The following CDYL2 variants were observed in gnomAD, a reference collection of about 807,000 sequenced individuals.
CDYL2 encodes the protein chromodomain Y-like protein 2.
In CDYL2, 23 loss-of-function variants were observed where a neutral mutation model predicts 49.4. The observed-to-expected ratio is 0.47, with a 90% CI of 0.34 to 0.66. The LOEUF (loss-of-function observed/expected upper bound fraction) is 0.66. Among genes scored for constraint, CDYL2 ranks in the 30% least tolerant of loss-of-function variants. The pLI is 0.01. For synonymous variants in CDYL2, 360 were observed against 268.8 expected, an observed-to-expected ratio of 1.34 and a Z score of -3.32; for missense variants, 678 against 656.4, an observed-to-expected ratio of 1.03 and a Z score of -0.36.
At chr16:80,724,173 C>G (rs78435878) in intron 1 of CDYL2, among the ~76,000 whole-genome samples, 5,400 of 122,222 alleles carry the variant, frequency 0.044, 336 homozygotes, top group African/African-American at 0.16. Context: ...GAGGAGGAGA[C>G]AAAGAGGAAG....
intron 1 of CDYL2, among the ~76,000 whole-genome samples, chr16:80,711,770 G>C (rs945651570): frequency 6.6e-6 from 1 of 152,094 alleles, no homozygotes; most frequent in African/African-American, 2.4e-5. Flanking sequence ...CTGAAGCATA[G>C]TGTTTCAAGG....
intron 1 of CDYL2, among the ~76,000 whole-genome samples, chr16:80,722,007 G>A (rs997562017): frequency 6.6e-6 from 1 of 152,230 alleles, no homozygotes; most frequent in Non-Finnish European, 1.5e-5. Context: ...CTTTGAGGAA[G>A]AAGTGGTTAT....
At chr16:80,624,816 C>T (rs1355898644) in intron 3 of CDYL2, among the ~76,000 whole-genome samples, 1 of 152,190 alleles carries the variant, frequency 6.6e-6, no homozygotes, top group African/African-American at 2.4e-5. Context: ...TCATGGACAT[C>T]TGCTGAGATC....
At chr16:80,687,126 T>C (rs960409196) in intron 1 of CDYL2, among the ~76,000 whole-genome samples, 3 of 152,158 alleles carry the variant, frequency 2.0e-5, no homozygotes, top group Non-Finnish European at 2.9e-5. Context: ...CTCTACAGGT[T>C]TACTGAGGGA....
At chr16:80,643,781 G>T (rs1233573898) in intron 2 of CDYL2, among the ~76,000 whole-genome samples, 2 of 152,182 alleles carry the variant, frequency 1.3e-5, no homozygotes, top group Non-Finnish European at 2.9e-5. Flanking sequence ...TCCCTAGGCT[G>T]CACACAGCAA....
chr16:80,710,849 G>T (rs1013866256), intron 1 of CDYL2, among the ~76,000 whole-genome samples: 2 of 152,162 alleles, frequency 1.3e-5, no homozygotes, highest in Non-Finnish European at 2.9e-5. Context: ...TTAAAAATCA[G>T]AAATAGTTCT....
intron 5 of CDYL2, among the ~76,000 whole-genome samples, chr16:80,611,036 C>G (rs1906571822): frequency 6.6e-6 from 1 of 152,172 alleles, no homozygotes; most frequent in South Asian, 2.1e-4. Context: ...CCTGACCACT[C>G]TCAACCCAGG....
At chr16:80,776,797 G>C (rs941010531) in intron 1 of CDYL2, among the ~76,000 whole-genome samples, 2 of 151,414 alleles carry the variant, frequency 1.3e-5, no homozygotes, top group Non-Finnish European at 2.9e-5. Context: ...ATATTTTAGG[G>C]ATGCATACGT....
At chr16:80,678,547 C>G (rs1030585478) in intron 2 of CDYL2, among the ~76,000 whole-genome samples, 1 of 151,940 alleles carries the variant, frequency 6.6e-6, no homozygotes, top group Non-Finnish European at 1.5e-5. Context: ...AAATGCAAAT[C>G]AAAACCACAA....
At chr16:80,606,174 G>A (rs1036612903) in intron 6 of CDYL2, among the ~76,000 whole-genome samples, 1 of 152,232 alleles carries the variant, frequency 6.6e-6, no homozygotes, top group African/African-American at 2.4e-5. Flanking sequence ...TGCAGGTGGT[G>A]GGATGAGCTG....
chr16:80,647,434 C>A (rs1220841965), intron 2 of CDYL2, among the ~76,000 whole-genome samples: 1 of 152,158 alleles, frequency 6.6e-6, no homozygotes, highest in Non-Finnish European at 1.5e-5. Flanking sequence ...GCAGGAATCA[C>A]ATTACCTGAC....
chr16:80,615,074 C>T (rs1228930579), intron 4 of CDYL2, among the ~76,000 whole-genome samples: 1 of 152,054 alleles, frequency 6.6e-6, no homozygotes, highest in Non-Finnish European at 1.5e-5. Context: ...GTGCCTCTGA[C>T]TCATGCTTGA....
chr16:80,704,458 C>A (rs957106729), intron 1 of CDYL2, among the ~76,000 whole-genome samples: 2 of 152,226 alleles, frequency 1.3e-5, no homozygotes, highest in African/African-American at 4.8e-5. Context: ...CCCTCATGCT[C>A]ATGAAGCACA....
chr16:80,746,769 C>A (rs936423962), intron 1 of CDYL2, among the ~76,000 whole-genome samples: 1 of 152,160 alleles, frequency 6.6e-6, no homozygotes, highest in African/African-American at 2.4e-5. Context: ...TATGGCACAA[C>A]ATAGAGACCA....
chr16:80,617,729 C>T (rs79516439), intron 4 of CDYL2, among the ~76,000 whole-genome samples: 1 of 152,324 alleles, frequency 6.6e-6, no homozygotes, highest in East Asian at 1.9e-4. Context: ...TCATCGTCCT[C>T]ACCTTTCTCA....
At chr16:80,606,287 C>G (rs533238883) in intron 6 of CDYL2, among the ~76,000 whole-genome samples, 5 of 152,326 alleles carry the variant, frequency 3.3e-5, no homozygotes, top group South Asian at 2.1e-4. Context: ...CTTGGGAAAC[C>G]CCCCCAGCAT....
At chr16:80,781,212 G>A (rs544849632) in intron 1 of CDYL2, among the ~76,000 whole-genome samples, 228 of 152,290 alleles carry the variant, frequency 1.5e-3, no homozygotes, top group Middle Eastern at 3.4e-3. Context: ...CCCTACATCC[G>A]TTACTGGGAA....
At chr16:80,802,119 A>C (rs1281097538) in intron 1 of CDYL2, among the ~76,000 whole-genome samples, 3 of 152,336 alleles carry the variant, frequency 2.0e-5, no homozygotes, top group Admixed American at 6.5e-5. Flanking sequence ...TTAACAGACT[A>C]ATCTGGCAAC....
chr16:80,627,840 T>G (rs1907370915), intron 3 of CDYL2: 1 of 152,246 alleles, frequency 6.6e-6, no homozygotes. Flanking sequence ...GTACATTCAT[T>G]GCCCTCATTA....
Sources: allele counts gnomAD v4.1 joint callset (sites outside exome capture counted in the v4.1 genomes callset), GRCh38; gene constraint gnomAD v4.1.1; transcripts MANE v1.5; gene names NCBI Gene and HGNC (gene_info 2026-07-23, HGNC 2026-07-21).